Variants in GMEB1 observed in about 807,000 individuals in gnomAD.
GMEB1 encodes glucocorticoid modulatory element-binding protein 1.
GMEB1 carries 6 observed loss-of-function variants against 52.4 expected under a neutral mutation model. That is an observed-to-expected ratio of 0.11 (90% CI 0.06 to 0.23). The LOEUF is 0.23. Among genes scored for constraint, GMEB1 ranks in the 10% least tolerant of loss-of-function variants. The pLI, the probability that GMEB1 is intolerant of heterozygous loss-of-function variation, is 1.00. For synonymous variants in GMEB1, 255 were observed against 244.9 expected (o/e 1.04, Z -0.38); for missense variants, 486 against 685.6 (o/e 0.71, Z 3.25).
Position 28,719,045 on chromosome 1 carries a change from T to C in GMEB1, c.*4272T>C, listed in dbSNP as rs1380257734. 3.3e-5 allele frequency: 5 copies of C among 152,170 alleles called. No individual in the cohort carries two copies. Among genetic ancestry groups the C allele is most frequent in the Non-Finnish European group, 7.3e-5 (5 of 68,030 alleles). 9.4% of individuals were successfully genotyped at this position (152,170 alleles called of 1,614,324 possible). ...GGCAGAGTCAGCAACATGGGCAGTC[T>C]CCCCACTGGAGAACGCTGAGTCATG... On this transcript the variant is annotated 3_prime_UTR_variant, in exon 10 of 10. Transcript: ENST00000373816.
intron 2 of GMEB1, among the ~76,000 whole-genome samples, chr1:28,684,992 G>T (rs1043224385): frequency 3.3e-5 from 5 of 152,060 alleles, no homozygotes; most frequent in African/African-American, 1.2e-4. Flanking sequence ...AGAGATAGGG[G>T]TCTTGCTTTG....
chr1:28,699,516 C>G (rs1261665505), intron 6 of GMEB1, among the ~76,000 whole-genome samples: 1 of 151,808 alleles, frequency 6.6e-6, no homozygotes, highest in African/African-American at 2.4e-5. Flanking sequence ...TGCAACCTCC[C>G]CCTCCCGGGT....
At position 28,717,203 on chromosome 1, in the gene GMEB1, T is replaced by C. The variant is rs1209784583; in HGVS notation, c.*2430T>C. On this transcript the variant is annotated 3_prime_UTR_variant, in exon 10 of 10. Transcript: ENST00000373816. ...GGTTGCTGTTTTTTTTTTTTTTTTC[T>C]TTTTGAGATGGAGTCTTGCTCTGTA... The C allele has an allele frequency of 4.2e-5, 6 of 143,886 alleles. No homozygotes were observed. The highest frequency in any genetic ancestry group is 1.5e-4 in the African/African-American group (6 of 40,186). The allele number at this position is 143,886 out of a possible 1,614,324, so 8.9% of individuals were successfully genotyped here.
chr1:28,677,921 C>T (rs1304641199), intron 1 of GMEB1, among the ~76,000 whole-genome samples: 4 of 151,952 alleles, frequency 2.6e-5, no homozygotes, highest in East Asian at 1.9e-4. Context: ...TGGTGGCTCA[C>T]GCTTGTAATC....
At chr1:28,668,486 G>C (rs1210562242), upstream of GMEB1, among the ~76,000 whole-genome samples, 2 of 152,154 alleles carry the variant, frequency 1.3e-5, no homozygotes, top group Non-Finnish European at 2.9e-5. Flanking sequence ...GAGAAAGCTA[G>C]CTTGGCCCTC....
intron 1 of GMEB1, among the ~76,000 whole-genome samples, chr1:28,675,796 C>T (rs1032883803): frequency 2.0e-5 from 3 of 152,162 alleles, no homozygotes; most frequent in Admixed American, 6.6e-5. Flanking sequence ...GATCAACTCA[C>T]TCATCTTGCC....
intron 2 of GMEB1, among the ~76,000 whole-genome samples, chr1:28,688,121 C>T (rs552710740): frequency 6.6e-6 from 1 of 152,172 alleles, no homozygotes; most frequent in African/African-American, 2.4e-5. Flanking sequence ...CCCATCTCTA[C>T]TAAAAATACA....
At chr1:28,674,998 C>T (rs1265976772) in intron 1 of GMEB1, among the ~76,000 whole-genome samples, 22 of 128,690 alleles carry the variant, frequency 1.7e-4, no homozygotes, top group African/African-American at 5.6e-4. Context: ...GGATTACAGG[C>T]GTGAGCCACC....
intron 5 of GMEB1, among the ~76,000 whole-genome samples, chr1:28,694,727 G>A (rs910916222): frequency 6.7e-6 from 1 of 150,128 alleles, no homozygotes; most frequent in Non-Finnish European, 1.5e-5. Context: ...GCAGTGGCAC[G>A]ATCTCAGCTC....
rs115552656 is a variant in GMEB1, at chr1:28,695,294, G to A, written c.441-1633G>A. Among the ~76,000 whole-genome samples the A allele has an allele frequency of 3.2e-3, 486 of 151,302 alleles. 3 individuals are homozygous for A. The highest frequency in any genetic ancestry group is 0.011 in the African/African-American group (434 of 41,224). On this transcript the variant is annotated intron_variant, in intron 5 of 9. Coordinates refer to ENST00000373816, the MANE Select transcript of GMEB1 (RefSeq NM_001319674.2). Reference sequence around the variant, plus strand: ...GTTGCCAAGGCTAGAGTGTAATGGCGTGATCTCGGCTCACTGCAAACTGTA... The same window carrying A: ...GTTGCCAAGGCTAGAGTGTAATGGCATGATCTCGGCTCACTGCAAACTGTA...
At chr1:28,668,904 GGGCCGCGCGGC>G (rs1482002747) in intron 1 of GMEB1, 65 bp downstream of exon 1, 1 of 144,466 alleles carries the variant, frequency 6.9e-6, no homozygotes, top group Non-Finnish European at 1.5e-5. Flanking sequence ...GCGGGCGCGG[GGGCCGCGCGGC>G]GGCCGGCGAG....
intron 1 of GMEB1, among the ~76,000 whole-genome samples, chr1:28,671,499 A>G (rs555915067): frequency 6.6e-6 from 1 of 152,146 alleles, no homozygotes; most frequent in South Asian, 2.1e-4. Flanking sequence ...CGGCCTCCCA[A>G]AGTGAGCGGC....
chr1:28,680,105 G>A (rs1214766693), intron 1 of GMEB1, among the ~76,000 whole-genome samples: 3 of 152,068 alleles, frequency 2.0e-5, no homozygotes, highest in Non-Finnish European at 4.4e-5. Context: ...ACCCCTCCTG[G>A]CCAGATGGCT....
chr1:28,672,197 T>TTTTA (rs201524415), intron 1 of GMEB1, among the ~76,000 whole-genome samples: 23,947 of 135,892 alleles, frequency 0.18, 2,612 homozygotes, highest in African/African-American at 0.29. Context: ...TAACTTTTAT[T>TTTTA]TTTATTTATT....
chr1:28,700,340 G>A (rs912173116), intron 6 of GMEB1, among the ~76,000 whole-genome samples: 1 of 151,764 alleles, frequency 6.6e-6, no homozygotes, highest in Non-Finnish European at 1.5e-5. Context: ...GTGAAACCCT[G>A]TCTCTACTAA....
In GMEB1 at chr1:28,716,657, A is replaced by G. The variant is rs1233337122; in HGVS notation, c.*1884A>G. On this transcript the variant is annotated 3_prime_UTR_variant, in exon 10 of 10. Coordinates refer to ENST00000373816, the MANE Select transcript of GMEB1 (RefSeq NM_001319674.2). ...TGAGGCACCAACTAGATGTCTCTTG[A>G]GTGAGCTGGACTCCCTGGGAAAGAA... 1 of 151,506 alleles carries G rather than the reference A, an allele frequency of 6.6e-6. No individual in the cohort carries two copies. Among genetic ancestry groups the G allele is most frequent in the Non-Finnish European group, 1.5e-5 (1 of 67,956 alleles). 9.4% of individuals were successfully genotyped at this position (151,506 alleles called of 1,614,324 possible). A position where few individuals can be genotyped will look rare whatever the true frequency, so the allele number is the denominator to read the frequency against.
chr1:28,683,688 C>A lies in GMEB1; in HGVS notation c.76C>A (p.Pro26Thr), dbSNP rs755448063. 8.1e-6 allele frequency: 13 copies of A among 1,611,802 alleles called. No individual in the cohort carries two copies. Among genetic ancestry groups the A allele is most frequent in the Non-Finnish European group, 1.1e-5 (13 of 1,179,070 alleles). ...TACTGAAGGAAATGAAGGGGAGAATCCTGAAGACACTAAAACCCAAGTGAT... is the reference window on the plus strand; with the variant it reads ...TACTGAAGGAAATGAAGGGGAGAATACTGAAGACACTAAAACCCAAGTGAT... ...VPTEGNEGEN[P>T]EDTKTQVILQ... Residue 26 changes from proline to threonine, a missense_variant, in exon 2 of 10, where the codon CCT (proline) becomes ACT (threonine). Physicochemically the swap from Pro to Thr is conservative, Grantham distance 38. Coordinates refer to ENST00000373816, the MANE Select transcript of GMEB1 (RefSeq NM_001319674.2).
chr1:28,708,557 G>A (rs1281063296), intron 8 of GMEB1, among the ~76,000 whole-genome samples: 1 of 152,060 alleles, frequency 6.6e-6, no homozygotes, highest in Non-Finnish European at 1.5e-5. Flanking sequence ...TGCTTCACGG[G>A]TTCAAGCAAT....
rs1671239429 is a variant in GMEB1, at chr1:28,715,315, C to G, written c.*542C>G. 1 of 153,548 alleles carries G rather than the reference C, an allele frequency of 6.5e-6. No homozygotes were observed. The highest frequency in any genetic ancestry group is 2.4e-5 in the African/African-American group (1 of 41,468). The allele number at this position is 153,548 out of a possible 1,614,324, so 9.5% of individuals were successfully genotyped here. On this transcript the variant is annotated 3_prime_UTR_variant, in exon 10 of 10. Coordinates refer to ENST00000373816, the MANE Select transcript of GMEB1 (RefSeq NM_001319674.2). ...CAGCACTAGCTTAAAAAGGGAAGTG[C>G]TAGCCGGGCGTGGTGGCTCACGCCT...
Sources: allele counts gnomAD v4.1 joint callset (sites outside exome capture counted in the v4.1 genomes callset), GRCh38; gene constraint gnomAD v4.1.1; transcripts MANE v1.5; gene names NCBI Gene and HGNC (gene_info 2026-07-23, HGNC 2026-07-21).